The following ESCO2 variants were observed in gnomAD, a reference collection of about 807,000 sequenced individuals.
ESCO2 encodes the protein establishment of sister chromatid cohesion N-acetyltransferase 2.
In ESCO2, 51 loss-of-function variants were observed where a neutral mutation model predicts 61.7. The observed-to-expected ratio is 0.83, with a 90% CI of 0.66 to 1.04. The LOEUF (loss-of-function observed/expected upper bound fraction) is 1.04. Ranked by LOEUF, ESCO2 falls within the 50% of genes least tolerant of loss-of-function variation. ESCO2 has a pLI of 0.00. For synonymous variants in ESCO2, 230 were observed against 238.2 expected (o/e 0.97, Z 0.32); for missense variants, 692 against 686.2 (o/e 1.01, Z -0.09).
intron 9 of ESCO2, among the ~76,000 whole-genome samples, chr8:27,795,450 A>G (rs911261960): frequency 2.6e-5 from 4 of 152,172 alleles, no homozygotes; most frequent in South Asian, 2.1e-4. Context: ...ACATAAGTTC[A>G]TGTCATTTGC....
At chr8:27,797,361 A>T (rs1367042103) in intron 9 of ESCO2, among the ~76,000 whole-genome samples, 1 of 152,044 alleles carries the variant, frequency 6.6e-6, no homozygotes, top group African/African-American at 2.4e-5. Flanking sequence ...TTTTGACTTA[A>T]AATCTATTTT....
chr8:27,814,206 G>T (rs147163107), downstream of ESCO2, among the ~76,000 whole-genome samples: 18 of 152,260 alleles, frequency 1.2e-4, no homozygotes, highest in African/African-American at 3.8e-4. Flanking sequence ...TTGTGGGAAT[G>T]TTTCTTAGTA....
rs138646734 is a variant in ESCO2, at chr8:27,784,048, A to C, written c.1004A>C (p.Asn335Thr). ...VYPIFSASSV[N>T]SKRSLGEEQF... is the part of the protein sequence containing the mutation. ...CCAATCTTCAGTGCATCTTCAGTCA[A>C]TTCAAAAAGGTGAGAATTGTTATTG... is the stretch of plus-strand genomic sequence containing the variant. The change falls in exon 5 of 11, where the codon AAT becomes ACT. Residue 335 changes from asparagine (N) to threonine (T), a missense_variant. Transcript: ENST00000305188. The C allele has an allele frequency of 6.2e-7, 1 of 1,613,398 alleles. No individual in the cohort carries two copies. Among genetic ancestry groups the C allele is most frequent in the Admixed American group, 1.7e-5 (1 of 60,016 alleles).
downstream of ESCO2, among the ~76,000 whole-genome samples, chr8:27,816,355 ATATT>A (rs576580735): frequency 1.1e-3 from 157 of 140,910 alleles, 4 homozygotes; most frequent in South Asian, 7.9e-3. Flanking sequence ...ATATATATAT[ATATT>A]TATTTATTTA....
In ESCO2 at chr8:27,804,781, A is replaced by G; in HGVS notation, c.*1343A>G. On this transcript the variant is annotated 3_prime_UTR_variant, in exon 11 of 11. Coordinates refer to ENST00000305188, the MANE Select transcript of ESCO2 (RefSeq NM_001017420.3). Reference sequence around the variant, plus strand: ...AGTATTAAAATGTATGTAATTATGCAAACATTTTAATGCTATTTTCTGCAC... The same window carrying G: ...AGTATTAAAATGTATGTAATTATGCGAACATTTTAATGCTATTTTCTGCAC... 2 of 981,878 alleles carry G rather than the reference A, an allele frequency of 2.0e-6. No homozygotes were observed. The highest frequency in any genetic ancestry group is 2.4e-6 in the Non-Finnish European group (2 of 826,732). 60.8% of individuals were successfully genotyped at this position (981,878 alleles called of 1,614,324 possible).
At chr8:27,789,115 A>G in intron 7 of ESCO2, 137 bp downstream of exon 7, 1 of 1,155,622 alleles carries the variant, frequency 8.7e-7, no homozygotes, top group Non-Finnish European at 1.2e-6. Context: ...TCAATTTAAG[A>G]TAAATATTTT....
At chr8:27,772,629 G>A (rs537450700), upstream of ESCO2, 9 of 1,363,006 alleles carry the variant, frequency 6.6e-6, no homozygotes, top group Admixed American at 4.2e-5. Context: ...CGGCCGCCTG[G>A]CCCCCGGAAC....
Position 27,799,584 on chromosome 8 carries a change from G to A in ESCO2, c.1541G>A (p.Ser514Asn), listed in dbSNP as rs1036147847. The A allele has an allele frequency of 1.9e-6, 3 of 1,613,772 alleles. No homozygotes were observed. The highest frequency in any genetic ancestry group is 2.5e-6 in the Non-Finnish European group (3 of 1,179,986). Residue 514 changes from serine (S) to asparagine (N), a missense_variant, in exon 10 of 11, where the codon AGC (serine) becomes AAC (asparagine). By Grantham distance (46) the Ser-to-Asn change is conservative (BLOSUM62 1). Coordinates refer to ENST00000305188, the MANE Select transcript of ESCO2 (RefSeq NM_001017420.3). ...GAACCAATTGGTCCAGAATCCCCAA[G>A]CTCTACGGAATGTCCTAGGGCTTGG... is the stretch of plus-strand genomic sequence containing the variant. The part of the protein sequence containing the change: ...LSEPIGPESP[S>N]STECPRAWQC...
intron 4 of ESCO2, among the ~76,000 whole-genome samples, chr8:27,782,934 C>G (rs1249264566): frequency 6.6e-6 from 1 of 152,026 alleles, no homozygotes; most frequent in Non-Finnish European, 1.5e-5. Context: ...TTCTCACAGT[C>G]TGCATTCCAT....
At position 27,802,607 on chromosome 8, in the gene ESCO2, CAAAAAAAAAAAA is replaced by C. The variant is rs1188348304; in HGVS notation, c.1674-686_1674-675del. On this transcript the variant is annotated intron_variant, in intron 10 of 10. Transcript: ENST00000305188. ...TGGGCGACAAAGTGAGACTCTGTCTCAAAAAAAAAAAAAAAAAAAAAAAATATATATATATAT... is the reference window on the plus strand; with the variant it reads ...TGGGCGACAAAGTGAGACTCTGTCTCAAAAAAAAAAAATATATATATATAT... Among the ~76,000 whole-genome samples the C allele has an allele frequency of 1.6e-3, 47 of 29,182 alleles. 1 individual carries two copies. The highest frequency in any genetic ancestry group is 0.059 in the Middle Eastern group (2 of 34). 19.1% of individuals were successfully genotyped at this position (29,182 alleles called of 152,430 possible).
downstream of ESCO2, chr8:27,808,143 G>T: frequency 1.3e-6 from 1 of 756,734 alleles, no homozygotes. Flanking sequence ...GTTTTTATAT[G>T]TAGCATTTGT....
At chr8:27,777,227 A>G (rs1362871929) in intron 3 of ESCO2, 58 bp downstream of exon 3, 3 of 1,480,820 alleles carry the variant, frequency 2.0e-6, no homozygotes, top group Non-Finnish European at 1.8e-6. Flanking sequence ...AGTATAAATG[A>G]CATAGTTGAA....
At chr8:27,816,408 T>C (rs1805816271), downstream of ESCO2, among the ~76,000 whole-genome samples, 4 of 150,614 alleles carry the variant, frequency 2.7e-5, no homozygotes, top group South Asian at 8.4e-4. Context: ...AGATGGAATC[T>C]CGCTGTCGCC....
At chr8:27,789,079 A>C in intron 7 of ESCO2, 101 bp downstream of exon 7, 2 of 1,433,040 alleles carry the variant, frequency 1.4e-6, no homozygotes, top group African/African-American at 1.4e-5. Context: ...GTTAACTTTT[A>C]ATGATGATGT....
intron 7 of ESCO2, among the ~76,000 whole-genome samples, chr8:27,791,657 G>A (rs1277185929): frequency 6.6e-6 from 1 of 152,092 alleles, no homozygotes; most frequent in African/African-American, 2.4e-5. Flanking sequence ...CTGACCTCAA[G>A]TGATCCACCC....
chr8:27,784,151 T>C lies in ESCO2; in HGVS notation c.1013+94T>C. 6 of 1,179,048 alleles carry C rather than the reference T, an allele frequency of 5.1e-6. No homozygotes were observed. The South Asian group carries it at 7.7e-5, about 15-fold the overall frequency. The allele number at this position is 1,179,048 out of a possible 1,614,324, so 73.0% of individuals were successfully genotyped here. Reference sequence around the variant, plus strand: ...GTCTCATGCTACTTAATTTGGGGAGTTTTTTTTTCTTCCTCACTAAGGGGA... The same window carrying C: ...GTCTCATGCTACTTAATTTGGGGAGCTTTTTTTTCTTCCTCACTAAGGGGA... On this transcript the variant is annotated intron_variant, in intron 5 of 10. Coordinates refer to ENST00000305188, the MANE Select transcript of ESCO2 (RefSeq NM_001017420.3).
At chr8:27,778,279 G>A (rs755737250) in intron 3 of ESCO2, 4 of 151,980 alleles carry the variant, frequency 2.6e-5, no homozygotes, top group Non-Finnish European at 4.4e-5. Flanking sequence ...ACTTACTGCT[G>A]CCCTTGTAAG....
At chr8:27,816,088 A>G (rs994375926), downstream of ESCO2, among the ~76,000 whole-genome samples, 8 of 152,090 alleles carry the variant, frequency 5.3e-5, no homozygotes, top group African/African-American at 1.9e-4. Flanking sequence ...ATTAAACATC[A>G]TTTAGCGAGG....
rs187535532 is a variant in ESCO2, at chr8:27,783,956, A to C, written c.956-44A>C. 5.1e-5 allele frequency: 77 copies of C among 1,500,900 alleles called. 1 individual carries two copies. The African/African-American group carries it at 9.9e-4, about 19-fold the overall frequency. The allele number at this position is 1,500,900 out of a possible 1,614,324, so 93.0% of individuals were successfully genotyped here. A position where few individuals can be genotyped will look rare whatever the true frequency, so the allele number is the denominator to read the frequency against. ...TGAAATCTTATGAATTAAAGCTTTG[A>C]TTTTATTTGGTAATACACATTATCA... On this transcript the variant is annotated intron_variant, in intron 4 of 10. Coordinates refer to ENST00000305188, the MANE Select transcript of ESCO2 (RefSeq NM_001017420.3).
Sources: gnomAD v4.1 joint callset for allele counts (sites outside exome capture counted in the v4.1 genomes callset) on GRCh38, gnomAD v4.1.1 for gene constraint, MANE v1.5 for transcripts, NCBI Gene and HGNC (gene_info 2026-07-23, HGNC 2026-07-21) for gene names.